ADCY8: variants seen among roughly 807,000 people sequenced by gnomAD.
ADCY8 encodes the protein adenylate cyclase type 8.
A neutral mutation model predicts 119.7 loss-of-function variants in ADCY8; 51 were observed. The observed-to-expected ratio is 0.43, with a 90% CI of 0.34 to 0.54. ADCY8 has a LOEUF of 0.54. Ranked by LOEUF, ADCY8 falls within the 20% of genes least tolerant of loss-of-function variation. ADCY8 has a pLI of 0.03. For missense variants in ADCY8, 1,383 were observed against 1,598.8 expected (o/e 0.87, Z 2.30); for synonymous variants, 665 against 651.0 (o/e 1.02, Z -0.33).
At chr8:130,923,338 C>T (rs1820371967) in intron 5 of ADCY8, among the ~76,000 whole-genome samples, 1 of 152,120 alleles carries the variant, frequency 6.6e-6, no homozygotes, top group Non-Finnish European at 1.5e-5. Flanking sequence ...GGCTGGGAGG[C>T]AGGTTTAGGC....
intron 11 of ADCY8, among the ~76,000 whole-genome samples, chr8:130,845,554 TACTC>T (rs1182634294): frequency 6.6e-6 from 1 of 152,168 alleles, no homozygotes; most frequent in East Asian, 1.9e-4. Context: ...CTGGGCCACT[TACTC>T]TCTCCAAAAG....
At chr8:131,019,494 A>G (rs1344041559) in intron 1 of ADCY8, among the ~76,000 whole-genome samples, 2 of 152,092 alleles carry the variant, frequency 1.3e-5, no homozygotes, top group Non-Finnish European at 1.5e-5. Flanking sequence ...TTTAGCTTCA[A>G]TTTTTAGCCT....
chr8:131,005,205 T>C (rs1823075678), intron 1 of ADCY8, among the ~76,000 whole-genome samples: 1 of 152,194 alleles, frequency 6.6e-6, no homozygotes, highest in African/African-American at 2.4e-5. Flanking sequence ...TAGCAGTCAG[T>C]GCATGAGGAT....
At chr8:130,900,379 G>T (rs563019873) in intron 7 of ADCY8, among the ~76,000 whole-genome samples, 2 of 152,134 alleles carry the variant, frequency 1.3e-5, no homozygotes, top group Non-Finnish European at 2.9e-5. Context: ...TACTGAAATG[G>T]GTAGAGGGAA....
At chr8:130,790,253 T>C (rs540264172) in intron 15 of ADCY8, among the ~76,000 whole-genome samples, 1 of 152,308 alleles carries the variant, frequency 6.6e-6, no homozygotes, top group South Asian at 2.1e-4. Flanking sequence ...CACATTTCAA[T>C]TCCCATTCTC....
chr8:130,789,044 GA>G (rs1815343910), intron 15 of ADCY8, among the ~76,000 whole-genome samples: 1 of 152,160 alleles, frequency 6.6e-6, no homozygotes, highest in Non-Finnish European at 1.5e-5. Flanking sequence ...CAGGAAGAAA[GA>G]ATTATGAAGG....
At chr8:130,826,977 A>G (rs1309890239) in intron 12 of ADCY8, among the ~76,000 whole-genome samples, 1 of 152,160 alleles carries the variant, frequency 6.6e-6, no homozygotes, top group African/African-American at 2.4e-5. Context: ...TGACGAGTTA[A>G]TGGGTGCAGC....
intron 6 of ADCY8, 21 bp downstream of exon 6, chr8:130,909,687 A>G: frequency 6.2e-7 from 1 of 1,613,914 alleles, no homozygotes; most frequent in African/African-American, 1.3e-5. Context: ...TAAGCATGAA[A>G]AGGGCTTTGC....
chr8:130,848,654 A>C (rs1817411980), intron 10 of ADCY8, among the ~76,000 whole-genome samples: 1 of 152,182 alleles, frequency 6.6e-6, no homozygotes, highest in Non-Finnish European at 1.5e-5. Flanking sequence ...CCCAAAGGGC[A>C]CAGTGATGGA....
intron 9 of ADCY8, among the ~76,000 whole-genome samples, chr8:130,865,595 C>A (rs527383686): frequency 6.6e-6 from 1 of 152,114 alleles, no homozygotes; most frequent in South Asian, 2.1e-4. Context: ...TATTTTGTTG[C>A]TCATTTTTGT....
intron 1 of ADCY8, among the ~76,000 whole-genome samples, chr8:130,992,307 C>A (rs1822604934): frequency 6.9e-6 from 1 of 144,522 alleles, no homozygotes; most frequent in Admixed American, 7.0e-5. Context: ...AGGTCTCAAA[C>A]TCCTGACCTC....
chr8:131,000,155 C>T (rs530843375), intron 1 of ADCY8, among the ~76,000 whole-genome samples: 1 of 152,266 alleles, frequency 6.6e-6, no homozygotes, highest in South Asian at 2.1e-4. Flanking sequence ...TAAGGAACAT[C>T]TCTAAAGTTA....
At chr8:130,825,721 A>C (rs1816650117) in intron 12 of ADCY8, among the ~76,000 whole-genome samples, 1 of 152,230 alleles carries the variant, frequency 6.6e-6, no homozygotes, top group Non-Finnish European at 1.5e-5. Flanking sequence ...TGGAAATCTT[A>C]AATCTTCCTT....
chr8:130,872,234 G>A (rs1818393418), intron 8 of ADCY8, among the ~76,000 whole-genome samples: 1 of 152,196 alleles, frequency 6.6e-6, no homozygotes, highest in Non-Finnish European at 1.5e-5. Context: ...GGCTGGTGCT[G>A]TGATACACGC....
At chr8:130,921,213 T>A (rs1229493992) in intron 5 of ADCY8, among the ~76,000 whole-genome samples, 1 of 152,104 alleles carries the variant, frequency 6.6e-6, no homozygotes, top group Non-Finnish European at 1.5e-5. Flanking sequence ...ATCACAGAGC[T>A]TTATGTCCTT....
intron 1 of ADCY8, among the ~76,000 whole-genome samples, chr8:131,021,789 TC>T (rs1453429588): frequency 6.6e-6 from 1 of 152,174 alleles, no homozygotes; most frequent in Non-Finnish European, 1.5e-5. Context: ...TTCTGAGGCC[TC>T]CCCAGCGATG....
At chr8:131,002,217 C>T (rs1822971792) in intron 1 of ADCY8, among the ~76,000 whole-genome samples, 1 of 152,186 alleles carries the variant, frequency 6.6e-6, no homozygotes, top group South Asian at 2.1e-4. Flanking sequence ...AGACCTGTAA[C>T]ACAATCATTA....
chr8:130,831,799 A>G (rs1345249094), intron 12 of ADCY8, among the ~76,000 whole-genome samples: 1 of 152,252 alleles, frequency 6.6e-6, no homozygotes, highest in Non-Finnish European at 1.5e-5. Context: ...TTAAGAGATC[A>G]GTTAGAGGAC....
chr8:131,033,123 C>A (rs2130811926), intron 1 of ADCY8, among the ~76,000 whole-genome samples: 1 of 152,248 alleles, frequency 6.6e-6, no homozygotes, highest in African/African-American at 2.4e-5. Flanking sequence ...AATATTGTAC[C>A]TATTTGGTGC....
Sources: gnomAD v4.1 joint callset for allele counts (sites outside exome capture counted in the v4.1 genomes callset) on GRCh38, gnomAD v4.1.1 for gene constraint, MANE v1.5 for transcripts, NCBI Gene and HGNC (gene_info 2026-07-23, HGNC 2026-07-21) for gene names.